BCOR: variants seen among roughly 807,000 people sequenced by gnomAD.
BCOR encodes BCL6 corepressor.
BCOR carries 10 observed loss-of-function variants against 86.7 expected under a neutral mutation model. That is an observed-to-expected ratio of 0.12 (90% CI 0.07 to 0.20). The LOEUF (loss-of-function observed/expected upper bound fraction) is 0.20, where lower values mean the gene tolerates loss of function less well. Among genes scored for constraint, BCOR ranks in the 10% least tolerant of loss-of-function variants. The probability of loss-of-function intolerance (pLI) is 1.00; values close to 1 mark genes in which losing one functional copy is unlikely to be tolerated. For synonymous variants in BCOR, 611 were observed against 609.0 expected (o/e 1.00, Z -0.05); for missense variants, 1,259 against 1,452.1 (o/e 0.87, Z 2.16).
At chrX:40,079,878 C>CT (rs1433855816) in intron 1 of BCOR, among the ~76,000 whole-genome samples, 3 of 109,778 alleles carry the variant, frequency 2.7e-5, no homozygotes, top group African/African-American at 1.0e-4. Context: ...CCCTGCTGCC[C>CT]TTTCTAACAA....
At chrX:40,139,456 CATATATATAT>C (rs1163392804) in intron 1 of BCOR, among the ~76,000 whole-genome samples, 17 of 685 alleles carry the variant, frequency 0.025, 4 homozygotes, top group Non-Finnish European at 0.035. Flanking sequence ...AATATATATA[CATATATATAT>C]ATATATATAT....
intron 1 of BCOR, among the ~76,000 whole-genome samples, chrX:40,126,073 G>A (rs1409159433): frequency 9.0e-6 from 1 of 110,665 alleles, no homozygotes; most frequent in Non-Finnish European, 1.9e-5. Context: ...AAAATTAGCT[G>A]GGCGTGGTGG....
At chrX:40,067,706 A>T (rs1021214486) in intron 6 of BCOR, among the ~76,000 whole-genome samples, 4 of 111,409 alleles carry the variant, frequency 3.6e-5, no homozygotes, top group African/African-American at 6.5e-5. Context: ...AATTCCCCTC[A>T]GTGAAGGCCC....
At chrX:40,125,573 A>C (rs1937529366) in intron 1 of BCOR, among the ~76,000 whole-genome samples, 1 of 110,159 alleles carries the variant, frequency 9.1e-6, no homozygotes, top group African/African-American at 3.3e-5. Flanking sequence ...TTCCTCCCTC[A>C]CGCCCAACCA....
At position 40,062,968 on chromosome X, in the gene BCOR, C is replaced by T. The variant is rs972573105; in HGVS notation, c.3951G>A (p.Pro1317=). 17 of 1,187,571 alleles carry T rather than the reference C, an allele frequency of 1.4e-5. No homozygotes were observed. Among genetic ancestry groups the T allele is most frequent in the Admixed American group, 1.4e-4 (6 of 42,106 alleles). Residue 1317 remains proline (P), a synonymous_variant, in exon 9 of 15, where the codon CCG becomes CCA. Transcript: ENST00000378444. The part of the protein sequence containing the change: ...AQPSCAPASR[P]PAKQQKIKEN... ...CTTTAATTTTCTGCTGTTTGGCAGGCGGCCTGGAGGCTGGTGCGCAGCTTG... is the reference window on the plus strand; with the variant it reads ...CTTTAATTTTCTGCTGTTTGGCAGGTGGCCTGGAGGCTGGTGCGCAGCTTG...
At chrX:40,060,548 C>G (rs1392134383) in intron 10 of BCOR, among the ~76,000 whole-genome samples, 1 of 112,245 alleles carries the variant, frequency 8.9e-6, no homozygotes, top group South Asian at 3.7e-4. Flanking sequence ...AGCCCTACCC[C>G]GCTATGGCCG....
chrX:40,107,576 C>A (rs970062744), intron 1 of BCOR, among the ~76,000 whole-genome samples: 1 of 113,610 alleles, frequency 8.8e-6, no homozygotes, highest in Admixed American at 9.2e-5. Flanking sequence ...GTGCTCCGGT[C>A]CGAGGCCCCG....
intron 1 of BCOR, among the ~76,000 whole-genome samples, chrX:40,155,050 G>A (rs1420434679): frequency 5.4e-5 from 6 of 110,698 alleles, no homozygotes; most frequent in African/African-American, 2.0e-4. Flanking sequence ...GGCTGGGGGA[G>A]TAGCTGCGGG....
At chrX:40,089,057 G>A (rs1416322312) in intron 1 of BCOR, among the ~76,000 whole-genome samples, 2 of 111,723 alleles carry the variant, frequency 1.8e-5, no homozygotes, top group African/African-American at 6.5e-5. Context: ...ACCCTCGTAG[G>A]GGAGATTTAA....
intron 1 of BCOR, among the ~76,000 whole-genome samples, chrX:40,175,577 G>C (rs1032395164): frequency 5.3e-5 from 6 of 113,325 alleles, no homozygotes; most frequent in African/African-American, 1.9e-4. Flanking sequence ...TCCGCGGCGG[G>C]CGACACCGCC....
chrX:40,134,450 C>T (rs1305771553), intron 1 of BCOR, among the ~76,000 whole-genome samples: 1 of 110,474 alleles, frequency 9.1e-6, no homozygotes, highest in Non-Finnish European at 1.9e-5. Flanking sequence ...ATAATGAGAC[C>T]TTGTCTCTAC....
intron 6 of BCOR, among the ~76,000 whole-genome samples, chrX:40,070,156 T>C (rs965916235): frequency 2.7e-5 from 3 of 111,921 alleles, no homozygotes; most frequent in African/African-American, 9.8e-5. Context: ...GTGTCCTGTG[T>C]CAGGAGGACT....
At chrX:40,113,571 C>T (rs965329536) in intron 1 of BCOR, among the ~76,000 whole-genome samples, 14 of 110,990 alleles carry the variant, frequency 1.3e-4, no homozygotes, top group African/African-American at 4.3e-4. Context: ...ATAGGCTCTG[C>T]GGGTTGGTCC....
intron 6 of BCOR, 94 bp from the exon 7 acceptor site, chrX:40,064,693 G>T: frequency 9.9e-7 from 1 of 1,006,667 alleles, no homozygotes; most frequent in Non-Finnish European, 1.4e-6. Context: ...CATGCCCAAG[G>T]TAATCTGCTA....
At chrX:40,082,194 G>T (rs757864579) in intron 1 of BCOR, among the ~76,000 whole-genome samples, 5 of 111,713 alleles carry the variant, frequency 4.5e-5, no homozygotes, top group Admixed American at 9.4e-5. Context: ...TGTGAGGGCA[G>T]ACCACAGGTC....
chrX:40,152,746 C>T (rs940273200), intron 1 of BCOR, among the ~76,000 whole-genome samples: 2 of 112,642 alleles, frequency 1.8e-5, no homozygotes, highest in Non-Finnish European at 3.8e-5. Flanking sequence ...CAGCGCCTGC[C>T]CCCTCCTCAC....
chrX:40,133,439 T>C (rs1184262775), intron 1 of BCOR, among the ~76,000 whole-genome samples: 1 of 90,039 alleles, frequency 1.1e-5, no homozygotes, highest in Non-Finnish European at 2.2e-5. Flanking sequence ...CCCGGCCATC[T>C]ACTTCAATTT....
Position 40,063,844 on chromosome X carries a change from T to C in BCOR, c.3611A>G (p.His1204Arg). The change falls in exon 8 of 15, where the codon CAT becomes CGT. Residue 1204 changes from histidine to arginine, a missense_variant. Physicochemically the swap from His to Arg is conservative, Grantham distance 29 (BLOSUM62 0). Around this residue, in one of 7 missense-constraint regions of BCOR, gnomAD observed 305 missense variants for 286.1 expected, o/e 1.07. Coordinates refer to ENST00000378444, the MANE Select transcript of BCOR (RefSeq NM_001123385.2). ...CAGCAAGTGGCGTTGTTTTTTAGGATGGAGCCCTGTTAATTCAATGCACAC... is the reference window on the plus strand; with the variant it reads ...CAGCAAGTGGCGTTGTTTTTTAGGACGGAGCCCTGTTAATTCAATGCACAC... The part of the protein sequence containing the change: ...LKVCIELTGL[H>R]PKKQRHLLHL... 1 of 1,212,074 alleles carries C rather than the reference T, an allele frequency of 8.3e-7. No individual in the cohort carries two copies. The highest frequency in any genetic ancestry group is 3.0e-5 in the East Asian group (1 of 33,863).
rs955055636 is a variant in BCOR, at chrX:40,075,030, T to C, written c.316A>G (p.Thr106Ala). 8.3e-6 allele frequency: 10 copies of C among 1,204,425 alleles called. No individual in the cohort carries two copies. The highest frequency in any genetic ancestry group is 1.8e-5 in the African/African-American group (1 of 56,699). ...AACCCAAGGCCACCTAGAGTGCTTG[T>C]GGCAGCCTCCCGACCTTTCTCTGAG... Reference protein sequence around the residue: ...LGSEKGREAATSTLGGLGFSS... With the variant: ...LGSEKGREAAASTLGGLGFSS... Residue 106 changes from threonine to alanine, a missense_variant, in exon 4 of 15, where the codon ACA (threonine) becomes GCA (alanine). Coordinates refer to ENST00000378444, the MANE Select transcript of BCOR (RefSeq NM_001123385.2).
Sources: allele counts gnomAD v4.1 joint callset (sites outside exome capture counted in the v4.1 genomes callset), GRCh38; gene constraint gnomAD v4.1.1; regional missense constraint gnomAD v4.1.1; transcripts MANE v1.5; gene names NCBI Gene and HGNC (gene_info 2026-07-23, HGNC 2026-07-21).